GRK6: variants seen among roughly 807,000 people sequenced by gnomAD.
GRK6 encodes the protein G protein-coupled receptor kinase 6.
A neutral mutation model predicts 80.8 loss-of-function variants in GRK6; 37 were observed. The observed-to-expected ratio is 0.46, with a 90% CI of 0.35 to 0.60. GRK6 has a LOEUF of 0.60. GRK6 is among the 20% of genes least tolerant of loss of function. The pLI is 0.00. For synonymous variants in GRK6, 295 were observed against 320.9 expected (o/e 0.92, Z 0.86); for missense variants, 560 against 784.6 (o/e 0.71, Z 3.42).
chr5:177,433,477 C>T (rs1764002442), intron 7 of GRK6, 59 bp from the exon 8 acceptor site: 9 of 1,611,908 alleles, frequency 5.6e-6, no homozygotes, highest in Non-Finnish European at 7.6e-6. Context: ...TGGACCACCC[C>T]CTGGATGCCC....
rs772223816 is a variant in GRK6 at position 177,432,263 on chromosome 5, C to T, written c.292C>T (p.Arg98Trp). ...AEYEVTPDDK[R>W]KACGRQLTQN... The stretch of plus-strand genomic sequence containing the variant: ...GTATGAAGTGACCCCGGATGACAAG[C>T]GGAAGGCATGTGGGCGGCAGCTAAC... Residue 98 changes from arginine to tryptophan, a missense_variant, in exon 4 of 16, where the codon CGG (arginine) becomes TGG (tryptophan). Arg to Trp is a moderately radical substitution (Grantham distance 101, BLOSUM62 -3). Transcript: ENST00000355472. 15 of 1,613,384 alleles carry T rather than the reference C, an allele frequency of 9.3e-6. No homozygotes were observed. The highest frequency in any genetic ancestry group is 2.7e-5 in the African/African-American group (2 of 74,910).
rs2731663 is a variant in GRK6, at chr5:177,442,105, C to A, written c.*315C>A. 2 of 363,818 alleles carry A rather than the reference C, an allele frequency of 5.5e-6. No individual in the cohort carries two copies. Among genetic ancestry groups the A allele is most frequent in the East Asian group, 5.1e-5 (1 of 19,700 alleles). The allele number at this position is 363,818 out of a possible 1,614,324, so 22.5% of individuals were successfully genotyped here. ...ATTCCCGCCGCAGACCTGGCGCCCC[C>A]GCCTTGGCTCCTGGGGGCAGCCAGC... On this transcript the variant is annotated 3_prime_UTR_variant, in exon 16 of 16. Transcript: ENST00000355472.
intron 2 of GRK6, chr5:177,431,739 T>G: frequency 1.8e-6 from 1 of 548,034 alleles, no homozygotes; most frequent in African/African-American, 1.9e-5. Flanking sequence ...TGCAGGGAGG[T>G]GGATGGAGGC....
chr5:177,437,223 G>A (rs1442549005), intron 13 of GRK6, among the ~76,000 whole-genome samples: 1 of 152,148 alleles, frequency 6.6e-6, no homozygotes, highest in Non-Finnish European at 1.5e-5. Flanking sequence ...CCAAAGTGCT[G>A]GGATTACAGG....
upstream of GRK6, among the ~76,000 whole-genome samples, chr5:177,425,786 G>C (rs184979764): frequency 1.3e-5 from 2 of 152,274 alleles, no homozygotes. Context: ...CGTGAAGTAG[G>C]GGGTGGAGGA....
In GRK6 at chr5:177,429,775, C is replaced by T. The variant is rs1763811674; in HGVS notation, c.53-1097C>T. The stretch of plus-strand genomic sequence containing the variant: ...AAGTGGTTGTCTAAGGTTGCCATGG[C>T]GTTGTTGGAGTTGGGGTTCACCTCT... On this transcript the variant is annotated intron_variant, in intron 1 of 15. Coordinates refer to ENST00000355472, the MANE Select transcript of GRK6 (RefSeq NM_001004106.3). The surrounding 1 kb of genome is among the most constrained non-coding windows in gnomAD (Gnocchi z 4.3). Among the ~76,000 whole-genome samples, 3 of 152,156 alleles carry T rather than the reference C, an allele frequency of 2.0e-5. No individual in the cohort carries two copies. The highest frequency in any genetic ancestry group is 1.3e-4 in the Admixed American group (2 of 15,280).
In GRK6 at chr5:177,436,109, G is replaced by C. The variant is rs149423489; in HGVS notation, c.1094G>C (p.Ser365Thr). 931 of 1,614,120 alleles carry C rather than the reference G, an allele frequency of 5.8e-4. No individual in the cohort carries two copies. Among genetic ancestry groups the C allele is most frequent in the Non-Finnish European group, 7.2e-4 (855 of 1,180,028 alleles). ...GTGAAGAATGAACGGTACACGTTCA[G>C]CCCTGACTGGTGGGCGCTCGGCTGC... ...EVVKNERYTF[S>T]PDWWALGCLL... Residue 365 changes from serine to threonine, a missense_variant, in exon 12 of 16, where the codon AGC becomes ACC. Transcript: ENST00000355472.
intron 2 of GRK6, chr5:177,431,617 C>G (rs1763891048): frequency 3.7e-6 from 1 of 268,496 alleles, no homozygotes; most frequent in Non-Finnish European, 7.3e-6. Flanking sequence ...CGCACTTTCG[C>G]CAGGCAGGCA....
rs139469835 is a variant in GRK6 at position 177,440,750 on chromosome 5, G to A, written c.1455G>A (p.Thr485=). The part of the protein sequence containing the change: ...KDVLDIEQFS[T]VKGVELEPTD... The stretch of plus-strand genomic sequence containing the variant: ...TTCTGGACATTGAACAGTTCTCTAC[G>A]GTCAAGGGCGTGGAGCTGGAGCCTA... The change falls in exon 14 of 16, where the codon ACG becomes ACA. Residue 485 remains threonine, a synonymous_variant. Coordinates refer to ENST00000355472, the MANE Select transcript of GRK6 (RefSeq NM_001004106.3). 13 of 1,614,048 alleles carry A rather than the reference G, an allele frequency of 8.1e-6. No individual in the cohort carries two copies. Among genetic ancestry groups the A allele is most frequent in the Admixed American group, 3.3e-5 (2 of 60,006 alleles).
chr5:177,436,556 G>A (rs767242637), intron 13 of GRK6, 26 bp downstream of exon 13: 1 of 1,538,292 alleles, frequency 6.5e-7, no homozygotes, highest in Non-Finnish European at 8.8e-7. Flanking sequence ...TCCTGCTGAG[G>A]GCGGGGCCCA....
At position 177,440,750 on chromosome 5, in the gene GRK6, G is replaced by T. The variant is rs139469835; in HGVS notation, c.1455G>T (p.Thr485=). 6.2e-7 allele frequency: 1 copy of T among 1,614,048 alleles called. No homozygotes were observed. Among genetic ancestry groups the T allele is most frequent in the African/African-American group, 1.3e-5 (1 of 74,932 alleles). ...KDVLDIEQFS[T]VKGVELEPTD... Reference sequence around the variant, plus strand: ...TTCTGGACATTGAACAGTTCTCTACGGTCAAGGGCGTGGAGCTGGAGCCTA... The same window carrying T: ...TTCTGGACATTGAACAGTTCTCTACTGTCAAGGGCGTGGAGCTGGAGCCTA... Residue 485 remains threonine, a synonymous_variant, in exon 14 of 16, where the codon ACG becomes ACT. Coordinates refer to ENST00000355472, the MANE Select transcript of GRK6 (RefSeq NM_001004106.3).
rs1209378469 is a variant in GRK6, at chr5:177,430,862, G to A, written c.53-10G>A. ...GGGACTCGAGACCCAGTGTCCTATT[G>A]CTCCCACAGGTGGCGGTGGAAATCG... On this transcript the variant is annotated splice_polypyrimidine_tract_variant and intron_variant, in intron 1 of 15. Coordinates refer to ENST00000355472, the MANE Select transcript of GRK6 (RefSeq NM_001004106.3). 6.2e-7 allele frequency: 1 copy of A among 1,613,176 alleles called. No homozygotes were observed. The highest frequency in any genetic ancestry group is 1.1e-5 in the South Asian group (1 of 91,076).
chr5:177,432,324 G>A lies in GRK6; in HGVS notation c.339+14G>A, dbSNP rs767617579. The A allele has an allele frequency of 1.1e-5, 18 of 1,610,760 alleles. No homozygotes were observed. The highest frequency in any genetic ancestry group is 8.9e-5 in the East Asian group (4 of 44,888). ...CTGAGCCACACGGTGAGTGAGCAGC[G>A]ATGGAGAGATGATGGGAGCCACCAG... On this transcript the variant is annotated intron_variant, in intron 4 of 15. Coordinates refer to ENST00000355472, the MANE Select transcript of GRK6 (RefSeq NM_001004106.3).
At chr5:177,434,204 T>G (rs1335611442) in intron 9 of GRK6, 100 bp downstream of exon 9, 1 of 1,176,408 alleles carries the variant, frequency 8.5e-7, no homozygotes, top group African/African-American at 1.5e-5. Context: ...CAGGCCAGAC[T>G]ACAGAAGGAC....
intron 13 of GRK6, among the ~76,000 whole-genome samples, chr5:177,437,837 C>T (rs542568876): frequency 6.6e-5 from 10 of 152,348 alleles, no homozygotes; most frequent in South Asian, 2.1e-4. Context: ...CTGTAATTAA[C>T]GGTTCACCAG....
At chr5:177,436,334 T>TTGCCACC in intron 12 of GRK6, 53 bp downstream of exon 12, 2 of 1,556,032 alleles carry the variant, frequency 1.3e-6, no homozygotes, top group Non-Finnish European at 1.8e-6. Context: ...GATGCACCTT[T>TTGCCACC]CCCTCCCTCC....
Position 177,441,658 on chromosome 5 carries a change from G to T in GRK6, c.1678-79G>T, listed in dbSNP as rs1172946663. ...CTCCTGGCCTGCCCTGGCAGGGTCG[G>T]CCCCATGTGACGTCCCTCGTGGTTA... On this transcript the variant is annotated intron_variant, in intron 15 of 15. Coordinates refer to ENST00000355472, the MANE Select transcript of GRK6 (RefSeq NM_001004106.3). The T allele has an allele frequency of 5.8e-6, 7 of 1,201,742 alleles. No individual in the cohort carries two copies. The East Asian group carries it at 1.6e-4, about 28-fold the overall frequency. 74.4% of individuals were successfully genotyped at this position (1,201,742 alleles called of 1,614,324 possible). A position where few individuals can be genotyped will look rare whatever the true frequency, so the allele number is the denominator to read the frequency against.
rs867321732 is a variant in GRK6 at position 177,435,175 on chromosome 5, C to T, written c.1057+54C>T. 1.1e-4 allele frequency: 139 copies of T among 1,250,430 alleles called. No homozygotes were observed. The African/African-American group carries it at 1.5e-3, about 13-fold the overall frequency. 77.5% of individuals were successfully genotyped at this position (1,250,430 alleles called of 1,614,324 possible). On this transcript the variant is annotated intron_variant, in intron 11 of 15. Coordinates refer to ENST00000355472, the MANE Select transcript of GRK6 (RefSeq NM_001004106.3). ...CTCCTGGGTTCCCTCACTATCCACC[C>T]ACCCAGCCACACCCACTTCTGTCTG...
rs905522751 is a variant in GRK6 at position 177,428,708 on chromosome 5, G to A, written c.52+1811G>A. Among the ~76,000 whole-genome samples, 3 of 152,138 alleles carry A rather than the reference G, an allele frequency of 2.0e-5. No individual in the cohort carries two copies. The highest frequency in any genetic ancestry group is 6.5e-5 in the Admixed American group (1 of 15,278). On this transcript the variant is annotated intron_variant, in intron 1 of 15. Coordinates refer to ENST00000355472, the MANE Select transcript of GRK6 (RefSeq NM_001004106.3). This position sits in a 1 kb window ranked among gnomAD's most constrained non-coding sequence, Gnocchi z 4.1. ...GCTGGGATTATAGGCATGAGCCACC[G>A]CGCCTGGCCGACCTGCATGACTTTA...
Sources: allele counts gnomAD v4.1 joint callset (sites outside exome capture counted in the v4.1 genomes callset), GRCh38; gene constraint gnomAD v4.1.1; non-coding constraint Gnocchi (gnomAD v3.1); transcripts MANE v1.5; gene names NCBI Gene and HGNC (gene_info 2026-07-23, HGNC 2026-07-21).